The following CELF2 variants were observed in gnomAD, a reference collection of about 807,000 sequenced individuals.
CELF2 encodes CUGBP Elav-like family member 2.
CELF2 carries 8 observed loss-of-function variants against 62.6 expected under a neutral mutation model. The ratio of observed to expected loss-of-function variants is 0.13; its 90% CI spans 0.07 to 0.23. The LOEUF is 0.23. Ranked by LOEUF, CELF2 falls within the 10% of genes least tolerant of loss-of-function variation. CELF2 has a pLI of 1.00. For synonymous variants in CELF2, 258 were observed against 250.0 expected (o/e 1.03, Z -0.30); for missense variants, 333 against 671.0 (o/e 0.50, Z 5.56).
chr10:11,091,208 G>A (rs185916086), intron 1 of CELF2, among the ~76,000 whole-genome samples: 8 of 152,176 alleles, frequency 5.3e-5, no homozygotes, highest in South Asian at 2.1e-4. Context: ...CCCAGTCCCC[G>A]ACAAACACCA....
chr10:10,922,880 A>T (rs898071234), intron 2 of CELF2: 1 of 152,096 alleles, frequency 6.6e-6, no homozygotes, highest in African/African-American at 2.4e-5. Flanking sequence ...CTCCAGGGGC[A>T]GTTTGAGACA....
the CELF2 span, among the ~76,000 whole-genome samples, chr10:10,526,962 T>G: frequency 6.6e-6 from 1 of 152,228 alleles, no homozygotes; most frequent in Non-Finnish European, 1.5e-5. Context: ...TGTTTATAAA[T>G]CAGCAGCAGC....
intron 1 of CELF2, among the ~76,000 whole-genome samples, chr10:10,805,636 G>C (rs567310297): frequency 1.6e-4 from 25 of 152,242 alleles, no homozygotes; most frequent in South Asian, 6.2e-4. Flanking sequence ...TTTTAATGAG[G>C]GGGGGAGACG....
chr10:10,734,146 T>G, the CELF2 span, among the ~76,000 whole-genome samples: 2 of 152,190 alleles, frequency 1.3e-5, no homozygotes, highest in East Asian at 3.8e-4. Context: ...CAATCTTGTC[T>G]TCTTTTTTAT....
chr10:10,747,568 A>G, the CELF2 span, among the ~76,000 whole-genome samples: 5 of 152,180 alleles, frequency 3.3e-5, no homozygotes, highest in Admixed American at 2.0e-4. Flanking sequence ...CATCAGGGAT[A>G]CAGAGCTAAA....
chr10:11,190,486 C>G (rs1238087317), intron 2 of CELF2, among the ~76,000 whole-genome samples: 2 of 152,024 alleles, frequency 1.3e-5, no homozygotes, highest in Non-Finnish European at 2.9e-5. Flanking sequence ...AAAATGAACA[C>G]TAAAGGCAGA....
At chr10:10,560,607 T>C in the CELF2 span, among the ~76,000 whole-genome samples, 665 of 152,272 alleles carry the variant, frequency 4.4e-3, 9 homozygotes, top group African/African-American at 0.014. Flanking sequence ...GAAAACAGTA[T>C]GGAGATTCCT....
In CELF2 at chr10:11,098,215, G is replaced by A. The variant is rs890197377; in HGVS notation, c.75-67271G>A. On this transcript the variant is annotated intron_variant, in intron 1 of 12. Transcript: ENST00000633077. The surrounding 1 kb of genome is among the most constrained non-coding windows in gnomAD (Gnocchi z 4.0). ...ACCAAGTGAAGGACAGTCTTAGGACGGGGACAAAGAGTCTGAGGAGTGGGA... is the reference window on the plus strand; with the variant it reads ...ACCAAGTGAAGGACAGTCTTAGGACAGGGACAAAGAGTCTGAGGAGTGGGA... 6.6e-6 allele frequency: 1 copy of A among 152,322 alleles called. No homozygotes were observed. Among genetic ancestry groups the A allele is most frequent in the Non-Finnish European group, 1.5e-5 (1 of 68,154 alleles). The allele number at this position is 152,322 out of a possible 1,614,324, so 9.4% of individuals were successfully genotyped here. A position where few individuals can be genotyped will look rare whatever the true frequency, so the allele number is the denominator to read the frequency against.
At chr10:10,586,671 T>A in the CELF2 span, among the ~76,000 whole-genome samples, 3 of 152,032 alleles carry the variant, frequency 2.0e-5, no homozygotes, top group East Asian at 5.8e-4. Context: ...CACCACGTAA[T>A]TTTTTTTCCT....
chr10:10,782,151 C>T, the CELF2 span, among the ~76,000 whole-genome samples: 1 of 152,106 alleles, frequency 6.6e-6, no homozygotes, highest in Non-Finnish European at 1.5e-5. Context: ...CTGTGGATCC[C>T]AAGGGACAAC....
At position 11,269,201 on chromosome 10, in the gene CELF2, TAC is replaced by T. The variant is rs1490024063; in HGVS notation, c.619-1463_619-1462del. On this transcript the variant is annotated intron_variant, in intron 6 of 12. Coordinates refer to ENST00000633077, the MANE Select transcript of CELF2 (RefSeq NM_001326342.2). The surrounding 1 kb of genome is among the most constrained non-coding windows in gnomAD (Gnocchi z 4.4). Reference sequence around the variant, plus strand: ...GGAACAGATACAGAAAAAAATGAATTACAGATTTTTTTAAATGATGGAAATAC... The same window carrying T: ...GGAACAGATACAGAAAAAAATGAATTAGATTTTTTTAAATGATGGAAATAC... 6.6e-6 allele frequency among the ~76,000 whole-genome samples: 1 copy of T among 152,226 alleles called. No individual in the cohort carries two copies. Among genetic ancestry groups the T allele is most frequent in the Non-Finnish European group, 1.5e-5 (1 of 68,040 alleles).
intron 1 of CELF2, among the ~76,000 whole-genome samples, chr10:10,838,293 T>G (rs1051813879): frequency 2.0e-5 from 3 of 152,146 alleles, no homozygotes; most frequent in African/African-American, 7.2e-5. Flanking sequence ...CTATATCGAG[T>G]GTACATGCTA....
At chr10:10,688,779 C>A in the CELF2 span, among the ~76,000 whole-genome samples, 1 of 151,930 alleles carries the variant, frequency 6.6e-6, no homozygotes, top group Non-Finnish European at 1.5e-5. Context: ...ACAAGAGTGT[C>A]ACTTGAAGCC....
chr10:11,130,284 A>C (rs2059423940), intron 1 of CELF2, among the ~76,000 whole-genome samples: 1 of 152,150 alleles, frequency 6.6e-6, no homozygotes, highest in South Asian at 2.1e-4. Flanking sequence ...GCAGGCACTT[A>C]CTTTGTGCCA....
chr10:10,809,661 T>G (rs143316630), intron 1 of CELF2, among the ~76,000 whole-genome samples: 3 of 152,320 alleles, frequency 2.0e-5, no homozygotes, highest in African/African-American at 7.2e-5. Context: ...TTAATGAATA[T>G]CCATTATTTA....
At chr10:10,666,875 AAAAAG>A in the CELF2 span, among the ~76,000 whole-genome samples, 1 of 75,372 alleles carries the variant, frequency 1.3e-5, no homozygotes, top group African/African-American at 6.7e-5. Flanking sequence ...AAAAAAAAAA[AAAAAG>A]AAAAAAAAAA....
At chr10:10,747,847 C>A in the CELF2 span, among the ~76,000 whole-genome samples, 1 of 152,190 alleles carries the variant, frequency 6.6e-6, no homozygotes, top group Non-Finnish European at 1.5e-5. Context: ...GCTGGGACTA[C>A]AGGCATGTGC....
the CELF2 span, among the ~76,000 whole-genome samples, chr10:10,785,251 C>T: frequency 6.6e-6 from 1 of 152,148 alleles, no homozygotes; most frequent in Admixed American, 6.5e-5. Context: ...AATACTGACA[C>T]CTGGGTGCCA....
chr10:11,029,522 T>C (rs974660256), intron 1 of CELF2, among the ~76,000 whole-genome samples: 6 of 152,224 alleles, frequency 3.9e-5, no homozygotes, highest in Non-Finnish European at 8.8e-5. Flanking sequence ...GAGTGTGATA[T>C]TGACTGTGGA....
Sources: gnomAD v4.1 joint callset for allele counts (sites outside exome capture counted in the v4.1 genomes callset) on GRCh38, gnomAD v4.1.1 for gene constraint, Gnocchi (gnomAD v3.1) non-coding constraint, MANE v1.5 for transcripts, NCBI Gene and HGNC (gene_info 2026-07-23, HGNC 2026-07-21) for gene names.